ARHGAP24: variants seen among roughly 807,000 people sequenced by gnomAD.
ARHGAP24 encodes Rho GTPase activating protein 24, also known as rho GTPase-activating protein 24.
Under a neutral mutation model 76.4 loss-of-function variants are expected in ARHGAP24, and 50 were observed. That is an observed-to-expected ratio of 0.65 (90% CI 0.52 to 0.83). The LOEUF is 0.83. Among genes scored for constraint, ARHGAP24 ranks in the 40% least tolerant of loss-of-function variants. ARHGAP24 has a pLI of 0.00. For missense variants in ARHGAP24, 930 were observed against 914.2 expected, an observed-to-expected ratio of 1.02 and a Z score of -0.22; for synonymous variants, 345 against 323.3, an observed-to-expected ratio of 1.07 and a Z score of -0.72.
intron 6 of ARHGAP24, among the ~76,000 whole-genome samples, chr4:85,973,846 T>TG (rs1739149027): frequency 2.4e-5 from 3 of 126,796 alleles, no homozygotes; most frequent in South Asian, 2.6e-4. Context: ...TTTTTTTTTT[T>TG]TTTTTTTTTT....
intron 1 of ARHGAP24, among the ~76,000 whole-genome samples, chr4:85,538,741 T>C (rs1024221923): frequency 5.9e-5 from 9 of 152,200 alleles, no homozygotes; most frequent in Non-Finnish European, 1.2e-4. Context: ...ACAAAGACTT[T>C]TGAGATCTTG....
intron 2 of ARHGAP24, among the ~76,000 whole-genome samples, chr4:85,659,396 G>A (rs758046264): frequency 2.0e-5 from 3 of 152,090 alleles, no homozygotes; most frequent in Admixed American, 6.6e-5. Context: ...TAAGATTAAA[G>A]TTTATCTGTT....
chr4:85,659,096 G>T (rs1328083605), intron 2 of ARHGAP24, among the ~76,000 whole-genome samples: 1 of 151,904 alleles, frequency 6.6e-6, no homozygotes, highest in Non-Finnish European at 1.5e-5. Context: ...CACAGTTGGG[G>T]AAGATACCAC....
chr4:85,596,288 A>G (rs1255681222), intron 2 of ARHGAP24, among the ~76,000 whole-genome samples: 1 of 152,032 alleles, frequency 6.6e-6, no homozygotes, highest in Non-Finnish European at 1.5e-5. Flanking sequence ...GAATGGAGCC[A>G]GAATTGTGCC....
chr4:85,874,158 A>G (rs1195439298), intron 3 of ARHGAP24, among the ~76,000 whole-genome samples: 1 of 152,172 alleles, frequency 6.6e-6, no homozygotes, highest in Non-Finnish European at 1.5e-5. Context: ...AATCTGTACA[A>G]ATATTGGAAG....
At chr4:85,989,388 A>G (rs1481890982) in intron 8 of ARHGAP24, among the ~76,000 whole-genome samples, 2 of 151,708 alleles carry the variant, frequency 1.3e-5, no homozygotes, top group African/African-American at 4.8e-5. Context: ...TTGAATTCGT[A>G]GCTAAAAACA....
At chr4:85,548,747 C>A (rs1220500798) in intron 1 of ARHGAP24, among the ~76,000 whole-genome samples, 1 of 152,136 alleles carries the variant, frequency 6.6e-6, no homozygotes, top group African/African-American at 2.4e-5. Context: ...AACATCTAGA[C>A]CCATGTTTCT....
intron 3 of ARHGAP24, among the ~76,000 whole-genome samples, chr4:85,791,820 G>A (rs1728144369): frequency 6.6e-6 from 1 of 152,110 alleles, no homozygotes; most frequent in African/African-American, 2.4e-5. Flanking sequence ...TGCGGACATG[G>A]AGGCAAAAAA....
chr4:85,570,808 A>G (rs1727110548), intron 2 of ARHGAP24, 87 bp downstream of exon 2: 1 of 1,431,102 alleles, frequency 7.0e-7, no homozygotes, highest in Admixed American at 1.8e-5. Flanking sequence ...GACTGAGACC[A>G]CCCAAAGCTC....
intron 2 of ARHGAP24, among the ~76,000 whole-genome samples, chr4:85,716,410 A>G (rs1208712884): frequency 6.6e-6 from 1 of 152,136 alleles, no homozygotes; most frequent in East Asian, 1.9e-4. Context: ...CATAAAAGGA[A>G]TATTTCTTAT....
At chr4:85,553,023 T>A (rs1327612942) in intron 1 of ARHGAP24, among the ~76,000 whole-genome samples, 3 of 152,108 alleles carry the variant, frequency 2.0e-5, no homozygotes, top group Non-Finnish European at 4.4e-5. Flanking sequence ...GAGTTGCTCA[T>A]TCCTCCCGGT....
chr4:86,000,445 C>CG, intron 9 of ARHGAP24, 34 bp from the exon 10 acceptor site: 2 of 441,150 alleles, frequency 4.5e-6, no homozygotes, highest in Non-Finnish European at 8.1e-6. Flanking sequence ...ACTCTTGCGT[C>CG]CCCACCCCCC....
Position 85,618,809 on chromosome 4 carries a change from G to A in ARHGAP24, c.180+48088G>A, listed in dbSNP as rs116764252. ...GAAATGTCTATTCAAGTTTTTACCC[G>A]TTTTTAATTGAGTAATTTGTTTTCT... is the stretch of plus-strand genomic sequence containing the variant. On this transcript the variant is annotated intron_variant, in intron 2 of 9. Coordinates refer to ENST00000395184, the MANE Select transcript of ARHGAP24 (RefSeq NM_001025616.3). Among the ~76,000 whole-genome samples, 264 of 151,976 alleles carry A rather than the reference G, an allele frequency of 1.7e-3. 3 individuals are homozygous for A. The highest frequency in any genetic ancestry group is 6.0e-3 in the African/African-American group (251 of 41,490).
At chr4:85,589,445 G>A (rs570046102) in intron 2 of ARHGAP24, among the ~76,000 whole-genome samples, 1 of 152,302 alleles carries the variant, frequency 6.6e-6, no homozygotes, top group African/African-American at 2.4e-5. Context: ...GAGGATAGGA[G>A]ATGGTAGGAC....
At chr4:85,564,924 GTATATATATATATATATATATATATATA>G (rs3028011) in intron 1 of ARHGAP24, among the ~76,000 whole-genome samples, 5,928 of 53,338 alleles carry the variant, frequency 0.11, 647 homozygotes, top group African/African-American at 0.27. Context: ...AACACACACG[GTATATATATATATATATATATATATATA>G]TATATATATA....
chr4:85,660,756 A>G (rs1722347324), intron 2 of ARHGAP24, among the ~76,000 whole-genome samples: 1 of 132,202 alleles, frequency 7.6e-6, no homozygotes, highest in Non-Finnish European at 1.6e-5. Context: ...AGATCGCGCC[A>G]CAGCACTCTA....
intron 1 of ARHGAP24, among the ~76,000 whole-genome samples, chr4:85,524,345 T>C (rs1724901152): frequency 1.3e-5 from 2 of 152,302 alleles, no homozygotes; most frequent in South Asian, 4.1e-4. Context: ...CCTTCTACTA[T>C]TGGTCTACAA....
chr4:85,830,066 C>G (rs1411063178), intron 3 of ARHGAP24, among the ~76,000 whole-genome samples: 1 of 152,226 alleles, frequency 6.6e-6, no homozygotes, highest in Non-Finnish European at 1.5e-5. Flanking sequence ...AAAGATTAGC[C>G]TTTATTTACA....
At chr4:85,600,053 A>G (rs1172950531) in intron 2 of ARHGAP24, among the ~76,000 whole-genome samples, 1 of 145,406 alleles carries the variant, frequency 6.9e-6, no homozygotes, top group Non-Finnish European at 1.5e-5. Flanking sequence ...GTAAAGAAAA[A>G]TAAAATCATG....
Sources: gnomAD v4.1 joint callset for allele counts (sites outside exome capture counted in the v4.1 genomes callset) on GRCh38, gnomAD v4.1.1 for gene constraint, MANE v1.5 for transcripts, NCBI Gene and HGNC (gene_info 2026-07-23, HGNC 2026-07-21) for gene names.